Variants in ZSWIM6 observed in about 807,000 individuals in gnomAD.
ZSWIM6 encodes the protein zinc finger SWIM domain-containing protein 6.
A neutral mutation model predicts 113.2 loss-of-function variants in ZSWIM6; 9 were observed. That is an observed-to-expected ratio of 0.08 (90% CI 0.05 to 0.14). The LOEUF (loss-of-function observed/expected upper bound fraction) is 0.14. Ranked by LOEUF, ZSWIM6 falls within the 10% of genes least tolerant of loss-of-function variation. The probability of loss-of-function intolerance (pLI) is 1.00; values close to 1 mark genes in which losing one functional copy is unlikely to be tolerated. For synonymous variants in ZSWIM6, 611 were observed against 606.5 expected (o/e 1.01, Z -0.11); for missense variants, 1,162 against 1,552.2 (o/e 0.75, Z 4.22).
chr5:61,415,114 T>A lies in ZSWIM6; in HGVS notation c.677-57567T>A, dbSNP rs985279197. On this transcript the variant is annotated intron_variant, in intron 1 of 13. Coordinates refer to ENST00000252744, the MANE Select transcript of ZSWIM6 (RefSeq NM_020928.2). Reference sequence around the variant, plus strand: ...TGCTCCTCGTACTGTTCCCTATGGCTGCAACACAGAGCTAATAGTTTTGTT... The same window carrying A: ...TGCTCCTCGTACTGTTCCCTATGGCAGCAACACAGAGCTAATAGTTTTGTT... Among the ~76,000 whole-genome samples the A allele has an allele frequency of 3.0e-4, 46 of 152,230 alleles. 1 individual carries two copies. Among genetic ancestry groups the A allele is most frequent in the Non-Finnish European group, 1.0e-4 (7 of 68,042 alleles).
chr5:61,343,931 G>T (rs550764785), intron 1 of ZSWIM6, among the ~76,000 whole-genome samples: 105 of 149,416 alleles, frequency 7.0e-4, no homozygotes, highest in African/African-American at 2.5e-3. Context: ...TTGTCACCCA[G>T]GCTGGAGTGC....
chr5:61,444,280 T>A (rs1746901224), intron 1 of ZSWIM6, among the ~76,000 whole-genome samples: 1 of 151,988 alleles, frequency 6.6e-6, no homozygotes, highest in Non-Finnish European at 1.5e-5. Flanking sequence ...CATGAACTCA[T>A]CATAATTTAT....
At chr5:61,424,127 T>TG (rs1273325345) in intron 1 of ZSWIM6, among the ~76,000 whole-genome samples, 1 of 152,212 alleles carries the variant, frequency 6.6e-6, no homozygotes, top group African/African-American at 2.4e-5. Context: ...AATTAAAACT[T>TG]GCTGTGCAGG....
chr5:61,340,161 A>G (rs1478225723), intron 1 of ZSWIM6, among the ~76,000 whole-genome samples: 2 of 152,220 alleles, frequency 1.3e-5, no homozygotes, highest in East Asian at 3.8e-4. Context: ...TTCATCTAGA[A>G]AAGATCCCTA....
At chr5:61,440,037 A>G (rs906446384) in intron 1 of ZSWIM6, among the ~76,000 whole-genome samples, 2 of 152,128 alleles carry the variant, frequency 1.3e-5, no homozygotes, top group African/African-American at 4.8e-5. Flanking sequence ...AGTCTTTGAC[A>G]CATCAGGAAG....
intron 12 of ZSWIM6, among the ~76,000 whole-genome samples, chr5:61,540,454 T>C (rs1354809871): frequency 6.6e-6 from 1 of 152,194 alleles, no homozygotes; most frequent in African/African-American, 2.4e-5. Context: ...CCCAGTTACC[T>C]AAAGAATGGG....
intron 1 of ZSWIM6, among the ~76,000 whole-genome samples, chr5:61,356,577 G>C (rs1043161175): frequency 9.4e-5 from 14 of 149,416 alleles, no homozygotes; most frequent in African/African-American, 3.4e-4. Context: ...TTTGGACTTG[G>C]CTGTGAAAAT....
intron 8 of ZSWIM6, 37 bp from the exon 9 acceptor site, chr5:61,531,428 G>A: frequency 6.6e-7 from 1 of 1,524,376 alleles, no homozygotes; most frequent in Admixed American, 2.0e-5. Flanking sequence ...TGCAAAAGTA[G>A]TTTCTGAGCT....
chr5:61,499,902 T>C (rs981931379), intron 4 of ZSWIM6, among the ~76,000 whole-genome samples: 1 of 152,162 alleles, frequency 6.6e-6, no homozygotes. Context: ...AAGCACTTAA[T>C]GCATGTGTTG....
At chr5:61,333,234 C>T (rs1171657371) in intron 1 of ZSWIM6, among the ~76,000 whole-genome samples, 1 of 151,940 alleles carries the variant, frequency 6.6e-6, no homozygotes, top group African/African-American at 2.4e-5. Flanking sequence ...ACCCGCCCTC[C>T]TCCGGGGAGC....
intron 1 of ZSWIM6, among the ~76,000 whole-genome samples, chr5:61,450,640 T>C (rs1227519590): frequency 6.6e-6 from 1 of 152,180 alleles, no homozygotes; most frequent in Admixed American, 6.5e-5. Flanking sequence ...TACTTCACTG[T>C]ACTATGAATG....
intron 2 of ZSWIM6, 98 bp downstream of exon 2, chr5:61,473,135 A>C: frequency 1.3e-6 from 1 of 746,606 alleles, no homozygotes; most frequent in Non-Finnish European, 2.0e-6. Context: ...TGTGAAATAG[A>C]TCATCAGCAT....
intron 1 of ZSWIM6, chr5:61,375,605 A>G (rs971329447): frequency 6.5e-7 from 1 of 1,535,194 alleles, no homozygotes; most frequent in African/African-American, 1.4e-5. Context: ...AAGAAGTCAA[A>G]AGATGGAACT....
At chr5:61,454,922 A>C in intron 1 of ZSWIM6, among the ~76,000 whole-genome samples, 1 of 148,358 alleles carries the variant, frequency 6.7e-6, no homozygotes. Flanking sequence ...TTCTGGCACC[A>C]TCACATTCTC....
chr5:61,390,009 TTTTC>T (rs538997002), intron 1 of ZSWIM6, among the ~76,000 whole-genome samples: 3 of 152,136 alleles, frequency 2.0e-5, no homozygotes, highest in African/African-American at 4.8e-5. Context: ...AGAATAGAAT[TTTTC>T]TTTCTTTTTT....
chr5:61,541,656 G>T (rs1749741490), intron 12 of ZSWIM6, among the ~76,000 whole-genome samples: 1 of 152,232 alleles, frequency 6.6e-6, no homozygotes, highest in Admixed American at 6.5e-5. Context: ...CCCACCAGGA[G>T]GAGAATATGG....
chr5:61,339,623 T>C (rs1241303031), intron 1 of ZSWIM6, among the ~76,000 whole-genome samples: 2 of 152,194 alleles, frequency 1.3e-5, no homozygotes, highest in African/African-American at 4.8e-5. Flanking sequence ...ACTTAAACTG[T>C]TATATTTAAG....
At chr5:61,521,533 G>C in intron 5 of ZSWIM6, 91 bp downstream of exon 5, 4 of 1,094,714 alleles carry the variant, frequency 3.7e-6, no homozygotes, top group Non-Finnish European at 4.8e-6. Flanking sequence ...ATGGGAAAAT[G>C]ATTTTACCAA....
chr5:61,539,149 G>T (rs1249836436), intron 11 of ZSWIM6, among the ~76,000 whole-genome samples, 178 bp downstream of exon 11: 1 of 152,158 alleles, frequency 6.6e-6, no homozygotes, highest in Non-Finnish European at 1.5e-5. Flanking sequence ...TCATTTACCT[G>T]CATCATTAAC....
Sources: allele counts gnomAD v4.1 joint callset (sites outside exome capture counted in the v4.1 genomes callset), GRCh38; gene constraint gnomAD v4.1.1; transcripts MANE v1.5; gene names NCBI Gene and HGNC (gene_info 2026-07-23, HGNC 2026-07-21).